The following MTMR1 variants were observed in gnomAD, a reference collection of about 807,000 sequenced individuals.
The protein encoded by MTMR1 is phosphatidylinositol-3-phosphate phosphatase MTMR1.
A neutral mutation model predicts 51.6 loss-of-function variants in MTMR1; 17 were observed. The observed-to-expected ratio is 0.33, with a 90% confidence interval of 0.23 to 0.49. The LOEUF (loss-of-function observed/expected upper bound fraction) is 0.49. Among genes scored for constraint, MTMR1 ranks in the 20% least tolerant of loss-of-function variants. MTMR1 has a pLI of 0.99. For synonymous variants in MTMR1, 201 were observed against 205.6 expected, an observed-to-expected ratio of 0.98 and a Z score of 0.19; for missense variants, 386 against 526.9, an observed-to-expected ratio of 0.73 and a Z score of 2.62.
In MTMR1 at chrX:150,727,222, T is replaced by C. The variant is rs1781495633; in HGVS notation, c.360T>C (p.Asp120=). Residue 120 remains aspartate, a synonymous_variant, in exon 5 of 16, where the codon GAT becomes GAC. Transcript: ENST00000445323. ...TTGGCCTTTTTCTTTCAGTGAAAGA[T>C]GTCATGTATATCTGCCCATTTATGG... ...PGESIKAIVK[D]VMYICPFMGA... 1 of 1,199,394 alleles carries C rather than the reference T, an allele frequency of 8.3e-7. No homozygotes were observed. Among genetic ancestry groups the C allele is most frequent in the Non-Finnish European group, 1.1e-6 (1 of 886,680 alleles).
chrX:150,724,590 A>G (rs782804155), intron 4 of MTMR1, among the ~76,000 whole-genome samples: 38 of 111,988 alleles, frequency 3.4e-4, no homozygotes, highest in Non-Finnish European at 5.6e-4. Context: ...CTTTAGTTTC[A>G]TTAGATTCCA....
chrX:150,714,524 G>C (rs1557416334), intron 3 of MTMR1: 1 of 981,411 alleles, frequency 1.0e-6, no homozygotes, highest in South Asian at 2.0e-5. Context: ...AGCTGAAGCT[G>C]ATCAGGTGGC....
chrX:150,727,989 C>T (rs782401950), intron 6 of MTMR1, among the ~76,000 whole-genome samples, 198 bp downstream of exon 6: 7 of 111,534 alleles, frequency 6.3e-5, no homozygotes, highest in Non-Finnish European at 1.3e-4. Flanking sequence ...CCTTTTCCAT[C>T]GAAGTCCAAT....
rs782597260 is a variant in MTMR1, at chrX:150,739,237, C to T, written c.1473+1789C>T. 4.4e-5 allele frequency among the ~76,000 whole-genome samples: 5 copies of T among 112,967 alleles called. No homozygotes were observed. In the South Asian group the frequency reaches 1.4e-3, roughly 32 times the overall value. ...GATCCCTGGGCATGTGCCTTCCCCT[C>T]TCTTGCCTTGATTCCCTCCTCTCTG... On this transcript the variant is annotated intron_variant, in intron 12 of 15. Transcript: ENST00000445323.
At chrX:150,759,760 G>A (rs1257943682) in intron 15 of MTMR1, among the ~76,000 whole-genome samples, 1 of 110,255 alleles carries the variant, frequency 9.1e-6, no homozygotes, top group Non-Finnish European at 1.9e-5. Flanking sequence ...GGAAACCACA[G>A]CGACAGCGCC....
intron 14 of MTMR1, among the ~76,000 whole-genome samples, chrX:150,755,011 G>A (rs2042861104): frequency 1.1e-5 from 1 of 88,595 alleles, no homozygotes; most frequent in African/African-American, 4.7e-5. Context: ...GGGTGACAGA[G>A]TGAGACTCCA....
In MTMR1 at chrX:150,717,970, ACT is replaced by A. The variant is rs1183205250; in HGVS notation, c.277-649_277-648del. Among the ~76,000 whole-genome samples the A allele has an allele frequency of 5.4e-5, 6 of 111,451 alleles. No individual in the cohort carries two copies. The South Asian group carries it at 1.5e-3, about 28-fold the overall frequency. ...ACTGTTGCCTGCCAGATGAGAGCAC[ACT>A]CTCTCATGGCCTGGATTGGGTGAAC... On this transcript the variant is annotated intron_variant, in intron 3 of 15. Coordinates refer to ENST00000445323, the MANE Select transcript of MTMR1 (RefSeq NM_001306144.3).
chrX:150,753,699 A>T (rs897678147), intron 14 of MTMR1, among the ~76,000 whole-genome samples: 11 of 111,968 alleles, frequency 9.8e-5, no homozygotes, highest in Non-Finnish European at 1.5e-4. Context: ...AGAGTTCCTT[A>T]TACATTCTTT....
At chrX:150,741,084 C>T (rs2042412087) in intron 12 of MTMR1, among the ~76,000 whole-genome samples, 1 of 112,052 alleles carries the variant, frequency 8.9e-6, no homozygotes, top group South Asian at 3.7e-4. Context: ...TGCAACCTAG[C>T]TCTGTCTAAT....
chrX:150,709,197 A>G (rs1453271548), intron 2 of MTMR1, among the ~76,000 whole-genome samples: 1 of 112,093 alleles, frequency 8.9e-6, no homozygotes, highest in African/African-American at 3.2e-5. Context: ...GGCTTCCATC[A>G]GAATCACATT....
intron 12 of MTMR1, 83 bp from the exon 13 acceptor site, chrX:150,744,278 A>C: frequency 1.3e-6 from 1 of 754,792 alleles, no homozygotes; most frequent in Non-Finnish European, 2.0e-6. Context: ...ATGAGATGTG[A>C]TTCTTACCAC....
intron 13 of MTMR1, among the ~76,000 whole-genome samples, chrX:150,745,381 C>T (rs191855806): frequency 0.029 from 3,210 of 111,718 alleles, 47 homozygotes; most frequent in Non-Finnish European, 0.045. Flanking sequence ...GGAAGGGAAG[C>T]AGCCAGGACA....
intron 2 of MTMR1, among the ~76,000 whole-genome samples, chrX:150,705,876 C>G (rs1437330350): frequency 4.3e-4 from 48 of 112,074 alleles, no homozygotes; most frequent in Non-Finnish European, 9.4e-5. Context: ...AAGTGAGTTG[C>G]ATTTCTATGT....
At position 150,702,469 on chromosome X, in the gene MTMR1, A is replaced by G. The variant is rs782210968; in HGVS notation, c.252+3169A>G. Among the ~76,000 whole-genome samples the G allele has an allele frequency of 4.5e-5, 5 of 112,041 alleles. No individual in the cohort carries two copies. The South Asian group carries it at 1.8e-3, about 41-fold the overall frequency. ...TTCTGGTATATTACTAAGAATCTGA[A>G]TAATTAGCAACTCAGATATTGGAGA... On this transcript the variant is annotated intron_variant, in intron 2 of 15. Coordinates refer to ENST00000445323, the MANE Select transcript of MTMR1 (RefSeq NM_001306144.3).
In MTMR1 at chrX:150,755,670, G is replaced by A; in HGVS notation, c.1681-19G>A. 8.9e-7 allele frequency: 1 copy of A among 1,123,307 alleles called. No individual in the cohort carries two copies. The highest frequency in any genetic ancestry group is 1.2e-6 in the Non-Finnish European group (1 of 841,595). 92.6% of individuals were successfully genotyped at this position (1,123,307 alleles called of 1,213,427 possible). On this transcript the variant is annotated intron_variant, in intron 14 of 15. Coordinates refer to ENST00000445323, the MANE Select transcript of MTMR1 (RefSeq NM_001306144.3). ...ATATGAAGAAAAGTTTATTTCCAATGTTCTTTTTTGTTTTTCAGGATGTAT... is the reference window on the plus strand; with the variant it reads ...ATATGAAGAAAAGTTTATTTCCAATATTCTTTTTTGTTTTTCAGGATGTAT...
intron 13 of MTMR1, among the ~76,000 whole-genome samples, chrX:150,749,611 C>T (rs2042670554): frequency 8.9e-6 from 1 of 111,922 alleles, no homozygotes; most frequent in Non-Finnish European, 1.9e-5. Flanking sequence ...TAGTAATAGT[C>T]TTCACTGGAA....
chrX:150,714,170 G>A (rs1337242934), intron 3 of MTMR1, among the ~76,000 whole-genome samples: 1 of 111,770 alleles, frequency 8.9e-6, no homozygotes, highest in Non-Finnish European at 1.9e-5. Context: ...GCTGTCTATT[G>A]CTTGGTTTTG....
intron 13 of MTMR1, among the ~76,000 whole-genome samples, chrX:150,748,842 C>T (rs1210687410): frequency 2.7e-5 from 3 of 109,279 alleles, no homozygotes; most frequent in Non-Finnish European, 3.8e-5. Flanking sequence ...TAAATAAATG[C>T]ATGAATGAGA....
intron 1 of MTMR1, among the ~76,000 whole-genome samples, chrX:150,697,546 T>C (rs782717490): frequency 3.1e-4 from 35 of 111,685 alleles, no homozygotes; most frequent in African/African-American, 1.1e-3. Flanking sequence ...CTTAGTGTTT[T>C]GCCAAATTGT....
Sources: gnomAD v4.1 joint callset for allele counts (sites outside exome capture counted in the v4.1 genomes callset) on GRCh38, gnomAD v4.1.1 for gene constraint, MANE v1.5 for transcripts, NCBI Gene and HGNC (gene_info 2026-07-23, HGNC 2026-07-21) for gene names.